DDX4: variants seen among roughly 807,000 people sequenced by gnomAD.
The protein encoded by DDX4 is DEAD-box helicase 4, also known as probable ATP-dependent RNA helicase DDX4.
In DDX4, 25 loss-of-function variants were observed where a neutral mutation model predicts 100.0. The ratio of observed to expected loss-of-function variants is 0.25; its 90% CI spans 0.18 to 0.35. The LOEUF is 0.35. Ranked by LOEUF, DDX4 falls within the 10% of genes least tolerant of loss-of-function variation. The pLI, the probability that DDX4 is intolerant of heterozygous loss-of-function variation, is 1.00. For synonymous variants in DDX4, 259 were observed against 275.7 expected, an observed-to-expected ratio of 0.94 and a Z score of 0.60; for missense variants, 635 against 882.4, an observed-to-expected ratio of 0.72 and a Z score of 3.55.
intron 7 of DDX4, among the ~76,000 whole-genome samples, chr5:55,768,684 G>C (rs556190722): frequency 6.6e-6 from 1 of 152,042 alleles, no homozygotes; most frequent in Admixed American, 6.6e-5. Flanking sequence ...TCTGTTTTAC[G>C]TTCTTTGAGA....
chr5:55,748,375 T>C (rs1309063688), intron 3 of DDX4, among the ~76,000 whole-genome samples: 2 of 152,160 alleles, frequency 1.3e-5, no homozygotes, highest in Non-Finnish European at 2.9e-5. Flanking sequence ...TTTTTTGAGG[T>C]ATGAACAGAA....
chr5:55,748,422 A>G (rs1463244190), intron 3 of DDX4, among the ~76,000 whole-genome samples: 2 of 152,218 alleles, frequency 1.3e-5, no homozygotes, highest in Non-Finnish European at 2.9e-5. Flanking sequence ...TTAGGTCTAT[A>G]GTATATTAAC....
intron 18 of DDX4, among the ~76,000 whole-genome samples, chr5:55,800,982 T>A (rs1409523740): frequency 6.6e-6 from 1 of 152,200 alleles, no homozygotes; most frequent in African/African-American, 2.4e-5. Context: ...ACTGCCTTTT[T>A]CATAATTTTA....
chr5:55,777,061 G>C (rs1478924573), intron 7 of DDX4, among the ~76,000 whole-genome samples: 1 of 152,180 alleles, frequency 6.6e-6, no homozygotes, highest in Non-Finnish European at 1.5e-5. Context: ...CTTGCTGATG[G>C]AGGAAATCCA....
intron 8 of DDX4, 75 bp from the exon 9 acceptor site, chr5:55,780,991 T>C (rs1405299787): frequency 2.7e-5 from 37 of 1,356,852 alleles, no homozygotes; most frequent in Non-Finnish European, 3.7e-5. Context: ...CATAACTTGA[T>C]TTTTTTCTGT....
At position 55,765,413 on chromosome 5, in the gene DDX4, A is replaced by AAAAATATAT. The variant is rs1392558099; in HGVS notation, c.334+1350_334+1351insAAATATATA. ...GTTCCCCTAAAAAAAAAAAAAAAAA[A>AAAAATATAT]ATATATATATATATATATATATATG... On this transcript the variant is annotated intron_variant, in intron 6 of 21. Coordinates refer to ENST00000505374, the MANE Select transcript of DDX4 (RefSeq NM_024415.3). 4.5e-3 allele frequency among the ~76,000 whole-genome samples: 377 copies of AAAAATATAT among 82,906 alleles called. 5 individuals are homozygous for AAAAATATAT. Among genetic ancestry groups the AAAAATATAT allele is most frequent in the Admixed American group, 0.023 (133 of 5,856 alleles). The allele number at this position is 82,906 out of a possible 152,430, so 54.4% of individuals were successfully genotyped here.
intron 4 of DDX4, among the ~76,000 whole-genome samples, chr5:55,762,010 G>A (rs1041676555): frequency 6.6e-6 from 1 of 152,144 alleles, no homozygotes; most frequent in Non-Finnish European, 1.5e-5. Flanking sequence ...CGACTAGCTT[G>A]TTATGTCCTG....
chr5:55,756,214 A>T (rs1185968501), intron 3 of DDX4, among the ~76,000 whole-genome samples: 1 of 152,122 alleles, frequency 6.6e-6, no homozygotes, highest in African/African-American at 2.4e-5. Flanking sequence ...TCTGAATGTG[A>T]TTGGCAGAAC....
chr5:55,783,250 T>A (rs1390665100), intron 10 of DDX4, among the ~76,000 whole-genome samples: 1 of 152,096 alleles, frequency 6.6e-6, no homozygotes, highest in Non-Finnish European at 1.5e-5. Context: ...CCACCCCTGC[T>A]GATTCTTGGA....
intron 7 of DDX4, among the ~76,000 whole-genome samples, chr5:55,779,125 A>G (rs1741752538): frequency 1.3e-5 from 2 of 152,184 alleles, no homozygotes; most frequent in Admixed American, 1.3e-4. Context: ...GAAACATTTT[A>G]GTCTTAATCT....
chr5:55,792,350 T>TA (rs1742630408), intron 16 of DDX4, among the ~76,000 whole-genome samples: 1 of 151,510 alleles, frequency 6.6e-6, no homozygotes, highest in Non-Finnish European at 1.5e-5. Flanking sequence ...TATTTTATTT[T>TA]TTTTTATTTT....
chr5:55,809,903 C>A (rs773648756), intron 18 of DDX4, among the ~76,000 whole-genome samples: 1 of 152,158 alleles, frequency 6.6e-6, no homozygotes, highest in Non-Finnish European at 1.5e-5. Context: ...ACCTTCAAGA[C>A]TTTGATAAAT....
At chr5:55,808,326 C>T (rs527838659) in intron 18 of DDX4, among the ~76,000 whole-genome samples, 13 of 152,350 alleles carry the variant, frequency 8.5e-5, no homozygotes, top group Admixed American at 2.6e-4. Flanking sequence ...TCGTCAAAGT[C>T]ATTCTCCGTC....
chr5:55,783,837 A>ATTT, intron 10 of DDX4, among the ~76,000 whole-genome samples: 1 of 136,790 alleles, frequency 7.3e-6, no homozygotes, highest in African/African-American at 3.0e-5. Context: ...GAACCAGTAA[A>ATTT]GTTTTTTTTT....
chr5:55,749,935 C>A (rs1759451524), intron 3 of DDX4, among the ~76,000 whole-genome samples: 1 of 149,832 alleles, frequency 6.7e-6, no homozygotes, highest in Non-Finnish European at 1.5e-5. Context: ...GAGGGAAATA[C>A]CAAAATGTCA....
intron 18 of DDX4, among the ~76,000 whole-genome samples, chr5:55,800,366 C>G (rs187153738): frequency 1.3e-5 from 2 of 151,294 alleles, no homozygotes; most frequent in African/African-American, 4.9e-5. Flanking sequence ...CTCTGTCACC[C>G]AGGCTGGAGT....
At position 55,756,157 on chromosome 5, in the gene DDX4, TAAG is replaced by T. The variant is rs538886780; in HGVS notation, c.128-4040_128-4038del. ...ATTTGCCTGTTATGAGTGGTTCTCT[TAAG>T]AATGTTTTCCAATTCATGTCTTTCG... On this transcript the variant is annotated intron_variant, in intron 3 of 21. Coordinates refer to ENST00000505374, the MANE Select transcript of DDX4 (RefSeq NM_024415.3). Among the ~76,000 whole-genome samples, 138 of 152,310 alleles carry T rather than the reference TAAG, an allele frequency of 9.1e-4. No individual in the cohort carries two copies. In the Middle Eastern group the frequency reaches 0.01, roughly 11 times the overall value.
At position 55,784,234 on chromosome 5, in the gene DDX4, G is replaced by A. The variant is rs952064946; in HGVS notation, c.626-1063G>A. 3.3e-5 allele frequency among the ~76,000 whole-genome samples: 5 copies of A among 152,156 alleles called. No individual in the cohort carries two copies. The South Asian group carries it at 1.0e-3, about 32-fold the overall frequency. ...CGGGGGATTGCTGGTACAAGTCCTAGAGTCCAAAGGCCAGAGAACCTGGAG... is the reference window on the plus strand; with the variant it reads ...CGGGGGATTGCTGGTACAAGTCCTAAAGTCCAAAGGCCAGAGAACCTGGAG... On this transcript the variant is annotated intron_variant, in intron 10 of 21. Coordinates refer to ENST00000505374, the MANE Select transcript of DDX4 (RefSeq NM_024415.3).
Position 55,813,685 on chromosome 5 carries a change from C to T in DDX4, c.1628C>T (p.Thr543Ile). The change falls in exon 19 of 22, where the codon ACT becomes ATT. Residue 543 changes from threonine to isoleucine, a missense_variant. Physicochemically the swap from Thr to Ile is moderately conservative, Grantham distance 89. Transcript: ENST00000505374. ...EILRNIGDERTMVFVETKKKA... is the reference protein window; with the variant it reads ...EILRNIGDERIMVFVETKKKA... ...CATTGTCTTGTAGGGGATGAAAGAA[C>T]TATGGTCTTTGTTGAAACTAAGAAA... 1 of 1,584,854 alleles carries T rather than the reference C, an allele frequency of 6.3e-7. No individual in the cohort carries two copies. Among genetic ancestry groups the T allele is most frequent in the Non-Finnish European group, 8.5e-7 (1 of 1,169,820 alleles).
Sources: gnomAD v4.1 joint callset for allele counts (sites outside exome capture counted in the v4.1 genomes callset) on GRCh38, gnomAD v4.1.1 for gene constraint, MANE v1.5 for transcripts, NCBI Gene and HGNC (gene_info 2026-07-23, HGNC 2026-07-21) for gene names.